The following MLLT10 variants were observed in gnomAD, a reference collection of about 807,000 sequenced individuals.
MLLT10 encodes the protein protein AF-10.
MLLT10 carries 30 observed loss-of-function variants against 129.1 expected under a neutral mutation model. The observed-to-expected ratio is 0.23, with a 90% CI of 0.17 to 0.32. MLLT10 has a LOEUF of 0.32. Ranked by LOEUF, MLLT10 falls within the 10% of genes least tolerant of loss-of-function variation. MLLT10 has a pLI of 1.00. For missense variants in MLLT10, 1,119 were observed against 1,268.3 expected (o/e 0.88, Z 1.79); for synonymous variants, 490 against 446.4 (o/e 1.10, Z -1.23).
chr10:21,593,132 T>A lies in MLLT10; in HGVS notation c.296-2199T>A, dbSNP rs563018436. On this transcript the variant is annotated intron_variant, in intron 4 of 22. Transcript: ENST00000307729. ...TTTTTGTCTTGAGATAGGGTCTCTA[T>A]CACCCAGGCTGGATTGCAGTGGCAC... Among the ~76,000 whole-genome samples the A allele has an allele frequency of 3.1e-4, 47 of 151,646 alleles. No homozygotes were observed. In the East Asian group the frequency reaches 5.8e-3, roughly 19 times the overall value.
At chr10:21,725,322 C>G (rs1261405605) in intron 14 of MLLT10, among the ~76,000 whole-genome samples, 1 of 152,210 alleles carries the variant, frequency 6.6e-6, no homozygotes, top group Non-Finnish European at 1.5e-5. Flanking sequence ...AGTCTCATGT[C>G]CACATGGTTG....
At chr10:21,603,790 G>A (rs2043790902) in intron 5 of MLLT10, among the ~76,000 whole-genome samples, 1 of 151,600 alleles carries the variant, frequency 6.6e-6, no homozygotes, top group African/African-American at 2.4e-5. Flanking sequence ...CTAGCTTCTA[G>A]TGATGGATGT....
At chr10:21,678,818 G>A (rs2052449120) in intron 11 of MLLT10, among the ~76,000 whole-genome samples, 1 of 152,100 alleles carries the variant, frequency 6.6e-6, no homozygotes, top group Admixed American at 6.5e-5. Flanking sequence ...AAGTTTCTTA[G>A]GAACTCTTTA....
At chr10:21,542,859 C>T (rs1013176785) in intron 3 of MLLT10, among the ~76,000 whole-genome samples, 1 of 152,180 alleles carries the variant, frequency 6.6e-6, no homozygotes, top group African/African-American at 2.4e-5. Context: ...GCACACTAGT[C>T]CAGGTGACAA....
At chr10:21,564,466 T>G (rs2039283765) in intron 3 of MLLT10, 3 of 152,100 alleles carry the variant, frequency 2.0e-5, no homozygotes, top group Admixed American at 2.0e-4. Flanking sequence ...CTTTTTTTTT[T>G]TTCTTTTAAT....
At chr10:21,559,858 A>T (rs564524578) in intron 3 of MLLT10, among the ~76,000 whole-genome samples, 1 of 152,166 alleles carries the variant, frequency 6.6e-6, no homozygotes, top group Admixed American at 6.6e-5. Context: ...TCATCTGTTG[A>T]TGGAAACTTG....
At position 21,742,471 on chromosome 10, in the gene MLLT10, A is replaced by T. The variant is rs1220586403; in HGVS notation, c.*488A>T. The T allele has an allele frequency of 1.4e-5, 3 of 216,034 alleles. No homozygotes were observed. Among genetic ancestry groups the T allele is most frequent in the Non-Finnish European group, 2.8e-5 (3 of 107,382 alleles). The allele number at this position is 216,034 out of a possible 1,614,324, so 13.4% of individuals were successfully genotyped here. A position where few individuals can be genotyped will look rare whatever the true frequency, so the allele number is the denominator to read the frequency against. ...AACTAATTTCTTCTCCTGGAGTTGCATTGATTCAGTATTACAAATATATAG... is the reference window on the plus strand; with the variant it reads ...AACTAATTTCTTCTCCTGGAGTTGCTTTGATTCAGTATTACAAATATATAG... On this transcript the variant is annotated 3_prime_UTR_variant, in exon 23 of 23. Transcript: ENST00000307729.
At chr10:21,676,946 A>C (rs1589592415) in intron 11 of MLLT10, among the ~76,000 whole-genome samples, 1 of 152,174 alleles carries the variant, frequency 6.6e-6, no homozygotes, top group South Asian at 2.1e-4. Flanking sequence ...GTGCTGCTTT[A>C]ATCATAGTAA....
intron 3 of MLLT10, among the ~76,000 whole-genome samples, chr10:21,584,560 T>A (rs1217015022): frequency 6.6e-6 from 1 of 152,056 alleles, no homozygotes; most frequent in Non-Finnish European, 1.5e-5. Flanking sequence ...GTGGTCCTTC[T>A]GTTTTGGCCT....
At chr10:21,651,899 ATTTCTTTTTTTTTTTTT>A in intron 9 of MLLT10, 131 bp downstream of exon 9, 1 of 184,748 alleles carries the variant, frequency 5.4e-6, no homozygotes, top group African/African-American at 4.0e-5. Context: ...TAGAATTCTC[ATTTCTTTTTTTTTTTTT>A]TTTTTTTTTT....
chr10:21,562,805 C>CTTTT (rs1564415882), intron 3 of MLLT10, among the ~76,000 whole-genome samples: 2 of 112,316 alleles, frequency 1.8e-5, no homozygotes, highest in Non-Finnish European at 3.6e-5. Context: ...CTTACATATA[C>CTTTT]TTTGTTTTTT....
intron 4 of MLLT10, among the ~76,000 whole-genome samples, chr10:21,588,475 A>G (rs1040674006): frequency 6.6e-6 from 1 of 152,104 alleles, no homozygotes; most frequent in East Asian, 1.9e-4. Flanking sequence ...TACTTTGATG[A>G]CTAACTCTTG....
chr10:21,607,358 T>C (rs1197311369), intron 5 of MLLT10, among the ~76,000 whole-genome samples: 2 of 150,330 alleles, frequency 1.3e-5, no homozygotes, highest in Non-Finnish European at 3.0e-5. Flanking sequence ...TTTGCTCTTG[T>C]TGCCCAGGCT....
At chr10:21,665,888 G>A (rs2050740718) in intron 9 of MLLT10, among the ~76,000 whole-genome samples, 1 of 151,914 alleles carries the variant, frequency 6.6e-6, no homozygotes, top group Non-Finnish European at 1.5e-5. Context: ...TAATCTACAG[G>A]TAGAGACAGG....
intron 22 of MLLT10, 37 bp downstream of exon 22, chr10:21,740,273 G>A (rs964918860): frequency 1.9e-6 from 3 of 1,590,572 alleles, no homozygotes; most frequent in South Asian, 1.1e-5. Flanking sequence ...AATGAAACAA[G>A]AACTGTATTG....
chr10:21,625,830 T>A, intron 8 of MLLT10: 1 of 774,404 alleles, frequency 1.3e-6, no homozygotes, highest in Non-Finnish European at 2.4e-6. Flanking sequence ...TACCCTCTAT[T>A]CTGACCAGAC....
chr10:21,641,730 G>A (rs1313392719), intron 8 of MLLT10, among the ~76,000 whole-genome samples: 1 of 152,116 alleles, frequency 6.6e-6, no homozygotes, highest in Non-Finnish European at 1.5e-5. Context: ...AATTACAAAA[G>A]CAAACAAGAC....
chr10:21,575,191 A>G (rs2040608997), intron 3 of MLLT10, among the ~76,000 whole-genome samples: 1 of 149,848 alleles, frequency 6.7e-6, no homozygotes, highest in African/African-American at 2.5e-5. Context: ...ATTTTATTTT[A>G]TTTTATTTTA....
intron 13 of MLLT10, among the ~76,000 whole-genome samples, chr10:21,712,768 C>T (rs1316228800): frequency 6.6e-6 from 1 of 152,232 alleles, no homozygotes; most frequent in East Asian, 1.9e-4. Flanking sequence ...GGCTTGATAA[C>T]TAAAAATGTC....
Sources: gnomAD v4.1 joint callset for allele counts (sites outside exome capture counted in the v4.1 genomes callset) on GRCh38, gnomAD v4.1.1 for gene constraint, MANE v1.5 for transcripts, NCBI Gene and HGNC (gene_info 2026-07-23, HGNC 2026-07-21) for gene names.